Variants in GABRB1 observed in about 807,000 individuals in gnomAD.
The protein encoded by GABRB1 is gamma-aminobutyric acid type A receptor subunit beta1.
A neutral mutation model predicts 51.6 loss-of-function variants in GABRB1; 17 were observed. That is an observed-to-expected ratio of 0.33 (90% CI 0.23 to 0.49). GABRB1 has a LOEUF of 0.49. Ranked by LOEUF, GABRB1 falls within the 20% of genes least tolerant of loss-of-function variation. The probability of loss-of-function intolerance (pLI) is 0.99; values close to 1 mark genes in which losing one functional copy is unlikely to be tolerated. For synonymous variants in GABRB1, 247 were observed against 218.9 expected (o/e 1.13, Z -1.14); for missense variants, 410 against 600.6 (o/e 0.68, Z 3.32).
chr4:47,033,190 TA>T (rs1725412833), intron 3 of GABRB1, among the ~76,000 whole-genome samples: 1 of 152,182 alleles, frequency 6.6e-6, no homozygotes, highest in African/African-American at 2.4e-5. Context: ...TAAGCATGCC[TA>T]AAAATCCTGA....
chr4:47,329,933 A>T (rs1333045387), intron 5 of GABRB1, among the ~76,000 whole-genome samples: 2 of 152,080 alleles, frequency 1.3e-5, no homozygotes, highest in East Asian at 3.9e-4. Context: ...CGATCTCAAG[A>T]TCTACAGAGT....
intron 4 of GABRB1, among the ~76,000 whole-genome samples, chr4:47,229,110 C>A (rs542199399): frequency 9.7e-4 from 147 of 152,200 alleles, no homozygotes; most frequent in Non-Finnish European, 1.7e-3. Context: ...GACTTCAAAA[C>A]CCAGGATCCT....
chr4:47,274,979 T>A (rs1723025319), intron 4 of GABRB1, among the ~76,000 whole-genome samples: 1 of 152,172 alleles, frequency 6.6e-6, no homozygotes, highest in African/African-American at 2.4e-5. Flanking sequence ...GTTTTCAAAT[T>A]GTATTCGTGT....
intron 4 of GABRB1, among the ~76,000 whole-genome samples, chr4:47,231,909 A>G (rs191066816): frequency 4.2e-4 from 64 of 152,320 alleles, no homozygotes; most frequent in Non-Finnish European, 6.9e-4. Context: ...GATCATTATC[A>G]TTAGCTTGTT....
chr4:47,426,116 A>C lies in GABRB1; in HGVS notation c.*98A>C. On this transcript the variant is annotated 3_prime_UTR_variant, in exon 9 of 9. Transcript: ENST00000295454. ...CGATACTGCTGTTTCTCGAGGTAAG[A>C]GATTCAGCCATCCAATTGGTTTTAG... 1.0e-6 allele frequency: 1 copy of C among 979,608 alleles called. No homozygotes were observed. The allele number at this position is 979,608 out of a possible 1,614,324, so 60.7% of individuals were successfully genotyped here.
chr4:47,343,512 T>C (rs567224165), intron 5 of GABRB1, among the ~76,000 whole-genome samples: 52 of 152,352 alleles, frequency 3.4e-4, no homozygotes, highest in African/African-American at 1.0e-3. Flanking sequence ...TTTGTTTTGA[T>C]GACCTTTCCA....
intron 3 of GABRB1, among the ~76,000 whole-genome samples, chr4:47,146,144 T>C (rs1311433498): frequency 1.3e-5 from 2 of 152,038 alleles, no homozygotes; most frequent in Non-Finnish European, 2.9e-5. Flanking sequence ...TTTCCACTCA[T>C]GTCTGAGCTG....
chr4:47,254,374 T>TG (rs1722112272), intron 4 of GABRB1, among the ~76,000 whole-genome samples: 1 of 124,420 alleles, frequency 8.0e-6, no homozygotes, highest in African/African-American at 3.1e-5. Flanking sequence ...TTTTTTTTTT[T>TG]TTTTTTTTTT....
chr4:47,391,819 C>T (rs1728006148), intron 5 of GABRB1, among the ~76,000 whole-genome samples: 1 of 152,136 alleles, frequency 6.6e-6, no homozygotes, highest in African/African-American at 2.4e-5. Context: ...TGAAACTTTA[C>T]TATAGACAGA....
At chr4:47,111,569 G>T (rs1193736829) in intron 3 of GABRB1, among the ~76,000 whole-genome samples, 1 of 151,964 alleles carries the variant, frequency 6.6e-6, no homozygotes, top group Non-Finnish European at 1.5e-5. Context: ...ATCCTTATTA[G>T]AAATCCATTG....
rs980243158 is a variant in GABRB1, at chr4:47,176,372, T to A, written c.461+14903T>A. 1.1e-4 allele frequency among the ~76,000 whole-genome samples: 16 copies of A among 152,260 alleles called. 1 individual carries two copies. Among genetic ancestry groups the A allele is most frequent in the Admixed American group, 7.2e-4 (11 of 15,274 alleles). ...GTAGAAATTAGTGCACTGATTGATT[T>A]GCTCATAGTTTAGATGTGGGTTGTG... On this transcript the variant is annotated intron_variant, in intron 4 of 8. Transcript: ENST00000295454.
At chr4:47,288,592 G>C (rs565463031) in intron 4 of GABRB1, among the ~76,000 whole-genome samples, 1 of 152,166 alleles carries the variant, frequency 6.6e-6, no homozygotes, top group Admixed American at 6.6e-5. Flanking sequence ...GTTTTCCTAA[G>C]GTCTAGCAGC....
At chr4:47,381,387 T>G (rs1397682100) in intron 5 of GABRB1, among the ~76,000 whole-genome samples, 1 of 152,202 alleles carries the variant, frequency 6.6e-6, no homozygotes, top group Non-Finnish European at 1.5e-5. Context: ...GGTCTTTGTC[T>G]GATCCCTGGC....
At chr4:47,275,241 A>T (rs1199280091) in intron 4 of GABRB1, among the ~76,000 whole-genome samples, 1 of 152,158 alleles carries the variant, frequency 6.6e-6, no homozygotes, top group Non-Finnish European at 1.5e-5. Flanking sequence ...GTGGCTTATC[A>T]CTTTGTAACT....
At chr4:47,368,247 A>G (rs563559406) in intron 5 of GABRB1, among the ~76,000 whole-genome samples, 22 of 152,284 alleles carry the variant, frequency 1.4e-4, no homozygotes, top group African/African-American at 5.3e-4. Flanking sequence ...GGGTGTCAAG[A>G]ACTACCATGC....
chr4:47,141,630 T>C (rs1383158921), intron 3 of GABRB1, among the ~76,000 whole-genome samples: 1 of 151,990 alleles, frequency 6.6e-6, no homozygotes, highest in Non-Finnish European at 1.5e-5. Context: ...TGTATGTCTT[T>C]TTTAATTTTT....
At chr4:47,119,334 G>A (rs2109644505) in intron 3 of GABRB1, among the ~76,000 whole-genome samples, 1 of 151,618 alleles carries the variant, frequency 6.6e-6, no homozygotes, top group South Asian at 2.1e-4. Context: ...AGAAAATAGG[G>A]GCAAATTTAT....
At chr4:47,272,429 G>A (rs1458998651) in intron 4 of GABRB1, among the ~76,000 whole-genome samples, 1 of 151,866 alleles carries the variant, frequency 6.6e-6, no homozygotes, top group Non-Finnish European at 1.5e-5. Flanking sequence ...TTTCTTTACT[G>A]GCATGATTAC....
chr4:47,294,796 C>T (rs1259721518), intron 4 of GABRB1, among the ~76,000 whole-genome samples: 4 of 152,242 alleles, frequency 2.6e-5, no homozygotes, highest in African/African-American at 9.6e-5. Context: ...AACGGGCAGA[C>T]TGCCTCCTCA....
Sources: allele counts gnomAD v4.1 joint callset (sites outside exome capture counted in the v4.1 genomes callset), GRCh38; gene constraint gnomAD v4.1.1; transcripts MANE v1.5; gene names NCBI Gene and HGNC (gene_info 2026-07-23, HGNC 2026-07-21).